RFX7: variants seen among roughly 807,000 people sequenced by gnomAD.
The protein encoded by RFX7 is regulatory factor X7.
A neutral mutation model predicts 111.8 loss-of-function variants in RFX7; 26 were observed. The observed-to-expected ratio is 0.23, with a 90% CI of 0.17 to 0.32. The LOEUF (loss-of-function observed/expected upper bound fraction) is 0.32. Among genes scored for constraint, RFX7 ranks in the 10% least tolerant of loss-of-function variants. The probability of loss-of-function intolerance (pLI) is 1.00; values close to 1 mark genes in which losing one functional copy is unlikely to be tolerated. For missense variants in RFX7, 1,573 were observed against 1,772.9 expected (o/e 0.89, Z 2.02); for synonymous variants, 624 against 624.4 (o/e 1.00, Z 0.01).
At chr15:56,140,505 C>G (rs1251267472) in intron 5 of RFX7, among the ~76,000 whole-genome samples, 3 of 152,228 alleles carry the variant, frequency 2.0e-5, no homozygotes, top group South Asian at 2.1e-4. Flanking sequence ...CACTGACCTG[C>G]GCCCACTGTC....
chr15:56,148,919 A>C (rs1197504139), intron 3 of RFX7, among the ~76,000 whole-genome samples: 4 of 151,984 alleles, frequency 2.6e-5, no homozygotes, highest in African/African-American at 9.7e-5. Flanking sequence ...ATCTCTACTA[A>C]AAATACAAAG....
At chr15:56,238,511 G>C (rs1443897109) in intron 2 of RFX7, among the ~76,000 whole-genome samples, 1 of 152,106 alleles carries the variant, frequency 6.6e-6, no homozygotes, top group African/African-American at 2.4e-5. Context: ...GGTCTAATAA[G>C]GAATCAGTAG....
intron 2 of RFX7, among the ~76,000 whole-genome samples, chr15:56,184,239 A>G (rs1426865700): frequency 1.7e-5 from 2 of 120,548 alleles, no homozygotes; most frequent in African/African-American, 6.3e-5. Context: ...GAGTTTCTCC[A>G]TGTTGGTCAG....
chr15:56,130,337 C>A (rs1202825581), intron 5 of RFX7, among the ~76,000 whole-genome samples: 3 of 152,046 alleles, frequency 2.0e-5, no homozygotes, highest in Non-Finnish European at 4.4e-5. Flanking sequence ...AACTAAGCCC[C>A]ATTCTCTGAC....
intron 5 of RFX7, among the ~76,000 whole-genome samples, chr15:56,111,662 A>AAAAAAAAAAAAAAAAAAAACC (rs2041934884): frequency 8.3e-5 from 2 of 24,226 alleles, no homozygotes; most frequent in African/African-American, 1.1e-4. Flanking sequence ...TAAATAAACC[A>AAAAAAAAAAAAAAAAAAAACC]AAAAAAAAAA....
At chr15:56,240,918 T>C (rs1261964435) in intron 2 of RFX7, among the ~76,000 whole-genome samples, 1 of 152,134 alleles carries the variant, frequency 6.6e-6, no homozygotes, top group Non-Finnish European at 1.5e-5. Flanking sequence ...TCACTTTTGA[T>C]ATCTTTATTT....
intron 2 of RFX7, among the ~76,000 whole-genome samples, chr15:56,229,093 A>G (rs1332097749): frequency 6.6e-6 from 1 of 152,180 alleles, no homozygotes; most frequent in Non-Finnish European, 1.5e-5. Flanking sequence ...CACTACTCAG[A>G]TTAGGGAGCA....
At chr15:56,133,331 T>C (rs1325612977) in intron 5 of RFX7, among the ~76,000 whole-genome samples, 2 of 152,126 alleles carry the variant, frequency 1.3e-5, no homozygotes, top group African/African-American at 4.8e-5. Flanking sequence ...CAGTCTTTAC[T>C]GTCTGAGATT....
At position 56,205,911 on chromosome 15, in the gene RFX7, T is replaced by C. The variant is rs150669974; in HGVS notation, c.162-26608A>G. Among the ~76,000 whole-genome samples, 164 of 152,126 alleles carry C rather than the reference T, an allele frequency of 1.1e-3. 1 individual carries two copies. The highest frequency in any genetic ancestry group is 3.8e-3 in the African/African-American group (157 of 41,494). ...CCATTAGGATAGCTACTATTAAAAA[T>C]AAAAATTATATAAAAACCCAGAAAA... On this transcript the variant is annotated intron_variant, in intron 2 of 9. Coordinates refer to ENST00000559447, the MANE Select transcript of RFX7 (RefSeq NM_022841.7).
At chr15:56,195,502 T>A (rs1209242760) in intron 2 of RFX7, among the ~76,000 whole-genome samples, 1 of 152,164 alleles carries the variant, frequency 6.6e-6, no homozygotes, top group African/African-American at 2.4e-5. Context: ...ATCAATTCTG[T>A]TTCTCTCTGT....
At chr15:56,139,509 A>AC (rs1157586635) in intron 5 of RFX7, among the ~76,000 whole-genome samples, 2 of 152,180 alleles carry the variant, frequency 1.3e-5, no homozygotes, top group African/African-American at 2.4e-5. Context: ...TTCTAGTTAT[A>AC]CATTCTTCTA....
chr15:56,122,794 C>A (rs2042095291), intron 5 of RFX7, among the ~76,000 whole-genome samples: 1 of 152,098 alleles, frequency 6.6e-6, no homozygotes, highest in African/African-American at 2.4e-5. Flanking sequence ...TCAGAGGAGT[C>A]TCCCCGTGTC....
intron 2 of RFX7, among the ~76,000 whole-genome samples, chr15:56,201,975 G>A (rs2043197259): frequency 1.3e-5 from 2 of 152,162 alleles, no homozygotes; most frequent in Admixed American, 6.5e-5. Context: ...AGCTTGCAGT[G>A]AGCTGAGATC....
intron 2 of RFX7, among the ~76,000 whole-genome samples, chr15:56,196,014 G>T (rs2043143313): frequency 6.6e-6 from 1 of 152,024 alleles, no homozygotes; most frequent in Non-Finnish European, 1.5e-5. Flanking sequence ...CCAGAAGAAT[G>T]AACTTTATCA....
rs2041564063 is a variant in RFX7 at position 56,089,068 on chromosome 15, G to C, written c.*4277C>G. ...CTAGGTGATGGAACTCATTTAAGAT[G>C]AATGACCACATGCTCCAGGAAATGG... On this transcript the variant is annotated 3_prime_UTR_variant, in exon 10 of 10. Transcript: ENST00000559447. 1 of 152,160 alleles carries C rather than the reference G, an allele frequency of 6.6e-6. No individual in the cohort carries two copies. Among genetic ancestry groups the C allele is most frequent in the African/African-American group, 2.4e-5 (1 of 41,408 alleles). 9.4% of individuals were successfully genotyped at this position (152,160 alleles called of 1,614,324 possible).
Position 56,093,593 on chromosome 15 carries a change from C to G in RFX7, c.4135G>C (p.Asp1379His), listed in dbSNP as rs575278896. 37 of 1,613,684 alleles carry G rather than the reference C, an allele frequency of 2.3e-5. No individual in the cohort carries two copies. Among genetic ancestry groups the G allele is most frequent in the Middle Eastern group, 1.7e-4 (1 of 6,060 alleles). Residue 1379 changes from aspartate to histidine, a missense_variant, in exon 10 of 10, where the codon GAT becomes CAT. Transcript: ENST00000559447. ...GACAACCTGATATCGCTAGAGAAAT[C>G]AGATGCAGTATTAGTGAGATCAGAT... is the stretch of plus-strand genomic sequence containing the variant. ...GASDLTNTAS[D>H]FSSDIRLSSE...
intron 5 of RFX7, among the ~76,000 whole-genome samples, chr15:56,141,523 C>G (rs1785764543): frequency 6.6e-6 from 1 of 151,560 alleles, no homozygotes; most frequent in Non-Finnish European, 1.5e-5. Context: ...ATCTTCAATC[C>G]AGAGTTTCAA....
At chr15:56,143,485 C>T (rs1281470449) in intron 4 of RFX7, among the ~76,000 whole-genome samples, 1 of 151,988 alleles carries the variant, frequency 6.6e-6, no homozygotes, top group Non-Finnish European at 1.5e-5. Flanking sequence ...TACAATCCTT[C>T]CTAAAGCCAG....
At chr15:56,119,598 G>A (rs146886773) in intron 5 of RFX7, among the ~76,000 whole-genome samples, 9,904 of 151,928 alleles carry the variant, frequency 0.065, 443 homozygotes, top group Admixed American at 0.1. Context: ...CCAACATGGT[G>A]AAACCCTGTC....
Sources: gnomAD v4.1 joint callset for allele counts (sites outside exome capture counted in the v4.1 genomes callset) on GRCh38, gnomAD v4.1.1 for gene constraint, MANE v1.5 for transcripts, NCBI Gene and HGNC (gene_info 2026-07-23, HGNC 2026-07-21) for gene names.